The following RGS20 variants were observed in gnomAD, a reference collection of about 807,000 sequenced individuals.
RGS20 encodes the protein gz-selective GTPase-activating protein.
Under a neutral mutation model 33.6 loss-of-function variants are expected in RGS20, and 30 were observed. The ratio of observed to expected loss-of-function variants is 0.89; its 90% CI spans 0.67 to 1.21. The LOEUF is 1.21. RGS20 is among the 50% of genes most tolerant of loss of function. RGS20 has a pLI of 0.00. For synonymous variants in RGS20, 208 were observed against 197.9 expected, an observed-to-expected ratio of 1.05 and a Z score of -0.43; for missense variants, 472 against 502.4, an observed-to-expected ratio of 0.94 and a Z score of 0.58.
At chr8:53,919,417 C>G (rs768705018) in intron 2 of RGS20, among the ~76,000 whole-genome samples, 1 of 151,502 alleles carries the variant, frequency 6.6e-6, no homozygotes, top group Non-Finnish European at 1.5e-5. Context: ...TCTCGGCTCA[C>G]TGCAACCTCC....
chr8:53,863,727 C>CTTT (rs370117372), intron 1 of RGS20, among the ~76,000 whole-genome samples: 3 of 129,238 alleles, frequency 2.3e-5, no homozygotes, highest in African/African-American at 5.7e-5. Context: ...TTTGTTTTAT[C>CTTT]TTTTTTTTTT....
At chr8:53,943,996 TACACAC>T (rs113461310) in intron 3 of RGS20, among the ~76,000 whole-genome samples, 6,672 of 146,326 alleles carry the variant, frequency 0.046, 392 homozygotes, top group African/African-American at 0.13. Context: ...AAAATAGAGC[TACACAC>T]ACACACACAC....
chr8:53,914,750 T>C (rs1448690565), intron 2 of RGS20: 1 of 151,998 alleles, frequency 6.6e-6, no homozygotes, highest in African/African-American at 2.4e-5. Context: ...ATACTAAAAT[T>C]GGAACAATAC....
At chr8:53,857,253 AGTGGCT>A (rs1469427503) in intron 1 of RGS20, among the ~76,000 whole-genome samples, 1 of 152,234 alleles carries the variant, frequency 6.6e-6, no homozygotes, top group Non-Finnish European at 1.5e-5. Flanking sequence ...GCACATGTTC[AGTGGCT>A]GTCTCCTCTG....
At chr8:53,911,349 T>C (rs183517779) in intron 2 of RGS20, among the ~76,000 whole-genome samples, 1 of 152,280 alleles carries the variant, frequency 6.6e-6, no homozygotes, top group East Asian at 1.9e-4. Flanking sequence ...CTAAAGCCAA[T>C]TCTTTGGAAA....
intron 2 of RGS20, among the ~76,000 whole-genome samples, chr8:53,912,103 A>T (rs1813361661): frequency 6.6e-6 from 1 of 152,208 alleles, no homozygotes; most frequent in South Asian, 2.1e-4. Flanking sequence ...GCAAATTCCT[A>T]TGCATAGGAA....
chr8:53,859,641 A>C (rs190801568), intron 1 of RGS20, among the ~76,000 whole-genome samples: 91 of 152,376 alleles, frequency 6.0e-4, no homozygotes, highest in African/African-American at 2.0e-3. Flanking sequence ...GGAGTGTATT[A>C]GTCCATTTTC....
chr8:53,863,229 C>T lies in RGS20; in HGVS notation c.165+11165C>T, dbSNP rs533192215. Among the ~76,000 whole-genome samples, 11 of 152,130 alleles carry T rather than the reference C, an allele frequency of 7.2e-5. No homozygotes were observed. In the East Asian group the frequency reaches 7.8e-4, roughly 11 times the overall value. On this transcript the variant is annotated intron_variant, in intron 1 of 5. Coordinates refer to ENST00000297313, the MANE Select transcript of RGS20 (RefSeq NM_170587.4). ...CTCAAACTCCGGACCTCAGGTGATC[C>T]GCCCGCCTCGGCCTCCCAAAGTGTT...
At chr8:53,950,073 C>T (rs1814664903) in intron 4 of RGS20, among the ~76,000 whole-genome samples, 1 of 152,124 alleles carries the variant, frequency 6.6e-6, no homozygotes, top group Non-Finnish European at 1.5e-5. Context: ...CTCCTGACCT[C>T]AGGTGATTCG....
At chr8:53,943,995 CT>C (rs1814385562) in intron 3 of RGS20, among the ~76,000 whole-genome samples, 2 of 143,588 alleles carry the variant, frequency 1.4e-5, no homozygotes, top group Admixed American at 6.8e-5. Flanking sequence ...AAAAATAGAG[CT>C]ACACACACAC....
chr8:53,957,720 C>T (rs951702070), intron 5 of RGS20, among the ~76,000 whole-genome samples: 6 of 152,230 alleles, frequency 3.9e-5, no homozygotes, highest in African/African-American at 1.4e-4. Context: ...TGGGGTGGGG[C>T]CCAGGAACCG....
chr8:53,947,346 T>C (rs896906951), intron 4 of RGS20, among the ~76,000 whole-genome samples: 1 of 138,118 alleles, frequency 7.2e-6, no homozygotes, highest in Non-Finnish European at 1.5e-5. Context: ...TAAGATAGTA[T>C]ATATATTATA....
At chr8:53,880,935 G>A in intron 2 of RGS20, 2 of 1,556,272 alleles carry the variant, frequency 1.3e-6, no homozygotes, top group Non-Finnish European at 1.7e-6. Context: ...CCGGAGAAAG[G>A]CGAAAGGCGC....
chr8:53,886,299 A>G (rs1441721037), intron 2 of RGS20, among the ~76,000 whole-genome samples: 1 of 152,152 alleles, frequency 6.6e-6, no homozygotes, highest in Non-Finnish European at 1.5e-5. Flanking sequence ...GCCATTCACA[A>G]TCAAGTTTGA....
In RGS20 at chr8:53,946,539, T is replaced by TG. The variant is rs769930724; in HGVS notation, c.660-126_660-125insG. On this transcript the variant is annotated intron_variant, in intron 3 of 5. Transcript: ENST00000297313. ...TGGGAAAACTAACTGGGGTCATTTT[T>TG]TTTTCCAAGTAGAGGAAGAAATTCT... 13 of 848,930 alleles carry TG rather than the reference T, an allele frequency of 1.5e-5. No homozygotes were observed. In the African/African-American group the frequency reaches 2.2e-4, roughly 14 times the overall value. The allele number at this position is 848,930 out of a possible 1,614,324, so 52.6% of individuals were successfully genotyped here. A position where few individuals can be genotyped will look rare whatever the true frequency, so the allele number is the denominator to read the frequency against.
chr8:53,946,935 G>T (rs546663873), intron 4 of RGS20, among the ~76,000 whole-genome samples, 187 bp downstream of exon 3: 7 of 151,894 alleles, frequency 4.6e-5, no homozygotes, highest in East Asian at 3.9e-4. Flanking sequence ...GACAGGGAGA[G>T]AAATCAGTTC....
chr8:53,900,074 TG>T (rs1343310858), intron 2 of RGS20, among the ~76,000 whole-genome samples: 1 of 152,194 alleles, frequency 6.6e-6, no homozygotes, highest in African/African-American at 2.4e-5. Context: ...TGTGAATGGT[TG>T]AGGTGCCAGA....
At chr8:53,920,890 C>G (rs1015482257) in intron 2 of RGS20, among the ~76,000 whole-genome samples, 1 of 152,180 alleles carries the variant, frequency 6.6e-6, no homozygotes, top group Admixed American at 6.5e-5. Context: ...TCCTGAGTAG[C>G]TGGGATTACA....
intron 2 of RGS20, 99 bp from the exon 1 acceptor site, chr8:53,880,773 C>T: frequency 1.7e-6 from 2 of 1,144,198 alleles, no homozygotes; most frequent in East Asian, 3.4e-5. Context: ...CTCGGGGGTA[C>T]CCCTAGCACC....
Sources: allele counts gnomAD v4.1 joint callset (sites outside exome capture counted in the v4.1 genomes callset), GRCh38; gene constraint gnomAD v4.1.1; transcripts MANE v1.5; gene names NCBI Gene and HGNC (gene_info 2026-07-23, HGNC 2026-07-21).